ADGRA3: variants seen among roughly 807,000 people sequenced by gnomAD.
The protein encoded by ADGRA3 is G-protein coupled receptor 125.
In ADGRA3, 56 loss-of-function variants were observed where a neutral mutation model predicts 119.8. That is an observed-to-expected ratio of 0.47 (90% confidence interval 0.38 to 0.58). ADGRA3 has a LOEUF of 0.58. Among genes scored for constraint, ADGRA3 ranks in the 20% least tolerant of loss-of-function variants. The pLI is 0.00. For missense variants in ADGRA3, 1,516 were observed against 1,649.0 expected (o/e 0.92, Z 1.40); for synonymous variants, 607 against 623.8 (o/e 0.97, Z 0.40).
At chr4:22,490,107 T>C (rs934169391) in intron 1 of ADGRA3, among the ~76,000 whole-genome samples, 2 of 152,340 alleles carry the variant, frequency 1.3e-5, no homozygotes, top group South Asian at 2.1e-4. Flanking sequence ...TTTAGCAGTG[T>C]CATAAATAAA....
At chr4:22,494,624 T>A (rs1164010370) in intron 1 of ADGRA3, among the ~76,000 whole-genome samples, 1 of 151,934 alleles carries the variant, frequency 6.6e-6, no homozygotes, top group African/African-American at 2.4e-5. Flanking sequence ...ACACATATTA[T>A]CCTAAATAAA....
At chr4:22,513,857 A>AC (rs1719542908) in intron 1 of ADGRA3, among the ~76,000 whole-genome samples, 2 of 150,346 alleles carry the variant, frequency 1.3e-5, no homozygotes, top group South Asian at 2.1e-4. Context: ...AAAAAAAAAA[A>AC]AAAAAAAAAA....
At chr4:22,429,644 A>C (rs1386834250) in intron 10 of ADGRA3, among the ~76,000 whole-genome samples, 1 of 150,984 alleles carries the variant, frequency 6.6e-6, no homozygotes, top group African/African-American at 2.5e-5. Flanking sequence ...AGGTAGAAGG[A>C]GGTTAAAAAA....
At chr4:22,420,372 C>T (rs1332235324) in intron 12 of ADGRA3, 1 of 153,492 alleles carries the variant, frequency 6.5e-6, no homozygotes. Context: ...CAATGAAATA[C>T]TTTTTTTAAA....
chr4:22,421,525 G>A (rs1489580286), intron 11 of ADGRA3, among the ~76,000 whole-genome samples: 3 of 152,046 alleles, frequency 2.0e-5, no homozygotes, highest in Non-Finnish European at 2.9e-5. Context: ...CGACACATCT[G>A]GCCATATTTA....
At position 22,410,487 on chromosome 4, in the gene ADGRA3, G is replaced by A. The variant is rs561354777; in HGVS notation, c.2232+2695C>T. ...TATGAACAAGTATATTCTTTATGTCGCATTTTTTAAAAATTCAAAACTCTT... is the reference window on the plus strand; with the variant it reads ...TATGAACAAGTATATTCTTTATGTCACATTTTTTAAAAATTCAAAACTCTT... On this transcript the variant is annotated intron_variant, in intron 14 of 18. Transcript: ENST00000334304. Among the ~76,000 whole-genome samples, 36 of 151,576 alleles carry A rather than the reference G, an allele frequency of 2.4e-4. No individual in the cohort carries two copies. In the South Asian group the frequency reaches 3.1e-3, roughly 13 times the overall value.
chr4:22,421,167 C>A (rs1715663181), intron 11 of ADGRA3, 78 bp from the exon 12 acceptor site: 6 of 1,219,600 alleles, frequency 4.9e-6, no homozygotes, highest in Non-Finnish European at 5.9e-6. Flanking sequence ...TTTTCAAACA[C>A]AAAACACTAT....
At chr4:22,398,441 G>T (rs1714462301) in intron 16 of ADGRA3, among the ~76,000 whole-genome samples, 1 of 151,984 alleles carries the variant, frequency 6.6e-6, no homozygotes, top group African/African-American at 2.4e-5. Context: ...CTACCAGCAA[G>T]ACACAAGGTA....
rs1164150133 is a variant in ADGRA3, at chr4:22,421,012, C to T, written c.1683G>A (p.Gln561=). 1 of 1,614,084 alleles carries T rather than the reference C, an allele frequency of 6.2e-7. No individual in the cohort carries two copies. The change falls in exon 12 of 19, where the codon CAG becomes CAA. Residue 561 remains glutamine, a synonymous_variant. Coordinates refer to ENST00000334304, the MANE Select transcript of ADGRA3 (RefSeq NM_145290.4). ...GFTGMTCTVF[Q]KVAASDRTGL... ...CTGTACGATCAGAGGCTGCCACTTTCTGGAACACGGTACAGGTCATCCCCG... is the reference window on the plus strand; with the variant it reads ...CTGTACGATCAGAGGCTGCCACTTTTTGGAACACGGTACAGGTCATCCCCG...
At position 22,387,943 on chromosome 4, in the gene ADGRA3, C is replaced by T. The variant is rs755303518; in HGVS notation, c.3728G>A (p.Cys1243Tyr). The T allele has an allele frequency of 1.9e-5, 30 of 1,614,032 alleles. No individual in the cohort carries two copies. Among genetic ancestry groups the T allele is most frequent in the Admixed American group, 8.3e-5 (5 of 59,998 alleles). Residue 1243 changes from cysteine (C) to tyrosine (Y), a missense_variant, in exon 19 of 19, where the codon TGT becomes TAT. By Grantham distance (194) the Cys-to-Tyr change is radical (BLOSUM62 -2). Transcript: ENST00000334304. Reference protein sequence around the residue: ...NPPQQDSSDACSTLPKSSRNF... With the variant: ...NPPQQDSSDAYSTLPKSSRNF... ...TCTGCTACTTTTGGGAAGTGTGCTACAAGCATCGCTGCTGTCTTGCTGGGG... is the reference window on the plus strand; with the variant it reads ...TCTGCTACTTTTGGGAAGTGTGCTATAAGCATCGCTGCTGTCTTGCTGGGG...
chr4:22,463,655 T>G (rs1717555627), intron 2 of ADGRA3, among the ~76,000 whole-genome samples: 1 of 152,228 alleles, frequency 6.6e-6, no homozygotes, highest in African/African-American at 2.4e-5. Flanking sequence ...CTGCTATACA[T>G]GGCATGCCTC....
intron 1 of ADGRA3, among the ~76,000 whole-genome samples, chr4:22,482,188 C>G (rs944598314): frequency 4.6e-5 from 7 of 152,144 alleles, no homozygotes; most frequent in African/African-American, 1.7e-4. Context: ...TTTGAAATCA[C>G]TCTGTTCAGG....
intron 12 of ADGRA3, chr4:22,420,580 T>G: frequency 2.3e-6 from 1 of 441,984 alleles, no homozygotes; most frequent in South Asian, 4.6e-5. Context: ...AATAAACTTT[T>G]AAGTCAAATA....
intron 1 of ADGRA3, among the ~76,000 whole-genome samples, chr4:22,502,603 G>A (rs1005924311): frequency 1.3e-5 from 2 of 151,972 alleles, no homozygotes; most frequent in Admixed American, 6.6e-5. Flanking sequence ...TTTTAACAGA[G>A]GAAGAAAGGA....
intron 4 of ADGRA3, among the ~76,000 whole-genome samples, chr4:22,452,489 T>G (rs941932209): frequency 9.8e-5 from 15 of 152,344 alleles, no homozygotes; most frequent in African/African-American, 3.4e-4. Context: ...AGTGGGAAGC[T>G]TGGCAATATT....
chr4:22,480,747 C>T (rs1003911419), intron 1 of ADGRA3, among the ~76,000 whole-genome samples: 32 of 152,016 alleles, frequency 2.1e-4, no homozygotes, highest in African/African-American at 6.8e-4. Context: ...ACGTTGGTTC[C>T]AATAATAGGG....
intron 14 of ADGRA3, among the ~76,000 whole-genome samples, chr4:22,405,374 T>C (rs977705592): frequency 4.0e-5 from 6 of 151,744 alleles, no homozygotes; most frequent in Non-Finnish European, 8.8e-5. Flanking sequence ...ATCCCATTTC[T>C]GCAAAAAATA....
chr4:22,403,074 A>AATC lies in ADGRA3; in HGVS notation c.2233-278_2233-276dup, dbSNP rs200394788. Among the ~76,000 whole-genome samples, 117 of 152,258 alleles carry AATC rather than the reference A, an allele frequency of 7.7e-4. 1 individual carries two copies. The East Asian group carries it at 0.021, about 27-fold the overall frequency. On this transcript the variant is annotated intron_variant, in intron 14 of 18. Transcript: ENST00000334304. Reference sequence around the variant, plus strand: ...GACTCTGCTATGAGGGTAAAAGAGAAATCAGCCCCCTACATTTAGGCAATT... The same window carrying AATC: ...GACTCTGCTATGAGGGTAAAAGAGAAATCATCAGCCCCCTACATTTAGGCAATT...
At chr4:22,506,545 C>T (rs1046290444) in intron 1 of ADGRA3, among the ~76,000 whole-genome samples, 6 of 151,658 alleles carry the variant, frequency 4.0e-5, no homozygotes, top group African/African-American at 1.5e-4. Context: ...AGAGTGAGAC[C>T]CTATCTCAAA....
Sources: allele counts gnomAD v4.1 joint callset (sites outside exome capture counted in the v4.1 genomes callset), GRCh38; gene constraint gnomAD v4.1.1; transcripts MANE v1.5; gene names NCBI Gene and HGNC (gene_info 2026-07-23, HGNC 2026-07-21).